The following POLR3K variants were observed in gnomAD, a reference collection of about 807,000 sequenced individuals.
The protein encoded by POLR3K is DNA-directed RNA polymerase III subunit RPC10.
In POLR3K, 11 loss-of-function variants were observed where a neutral mutation model predicts 13.5. The ratio of observed to expected loss-of-function variants is 0.81; its 90% CI spans 0.51 to 1.35. The LOEUF (loss-of-function observed/expected upper bound fraction) is 1.35, where lower values mean the gene tolerates loss of function less well. POLR3K is among the 40% of genes most tolerant of loss of function. The probability of loss-of-function intolerance (pLI) is 0.00; values close to 1 mark genes in which losing one functional copy is unlikely to be tolerated. For synonymous variants in POLR3K, 56 were observed against 51.5 expected, an observed-to-expected ratio of 1.09 and a Z score of -0.38; for missense variants, 144 against 145.3, an observed-to-expected ratio of 0.99 and a Z score of 0.05.
At position 53,592 on chromosome 16, in the gene POLR3K, C is replaced by A. The variant is rs375083401; in HGVS notation, c.-6G>T. The A allele has an allele frequency of 3.1e-6, 5 of 1,607,766 alleles. No individual in the cohort carries two copies. In the South Asian group the frequency reaches 5.5e-5, roughly 18 times the overall value. On this transcript the variant is annotated 5_prime_UTR_variant, in exon 1 of 3. Coordinates refer to ENST00000293860, the MANE Select transcript of POLR3K (RefSeq NM_016310.5). ...CCGGGGCAGAACAGCAGCATGGTCT[C>A]GAACTCCGCAGGCTCCAACTCCCGG...
intron 2 of POLR3K, among the ~76,000 whole-genome samples, chr16:47,794 T>C (rs1213318700): frequency 1.8e-5 from 2 of 113,354 alleles, no homozygotes; most frequent in Non-Finnish European, 3.3e-5. Context: ...GGCAGGAGAA[T>C]CGCTTGAACC....
rs537536318 is a variant in POLR3K at position 46,715 on chromosome 16, C to T, written c.*715G>A. On this transcript the variant is annotated 3_prime_UTR_variant, in exon 3 of 3. Coordinates refer to ENST00000293860, the MANE Select transcript of POLR3K (RefSeq NM_016310.5). Reference sequence around the variant, plus strand: ...CTCCAGCCTGGGCGACAGAACAAGACTCTGTCTTAAATAAATAAATAAATA... The same window carrying T: ...CTCCAGCCTGGGCGACAGAACAAGATTCTGTCTTAAATAAATAAATAAATA... The T allele has an allele frequency of 2.1e-5, 3 of 146,030 alleles. No individual in the cohort carries two copies. In the East Asian group the frequency reaches 5.9e-4, roughly 29 times the overall value. 9.0% of individuals were successfully genotyped at this position (146,030 alleles called of 1,614,324 possible).
intron 1 of POLR3K, among the ~76,000 whole-genome samples, chr16:52,799 TAAA>T (rs1335971952): frequency 2.7e-5 from 2 of 75,016 alleles, no homozygotes; most frequent in Admixed American, 3.0e-4. Context: ...AAAAAAACAA[TAAA>T]AAAAAATAAA....
intron 1 of POLR3K, chr16:53,112 T>C (rs1897357361): frequency 4.4e-6 from 1 of 228,884 alleles, no homozygotes; most frequent in African/African-American, 2.3e-5. Context: ...AGGGAGTCAG[T>C]GTCGGAACCT....
intron 2 of POLR3K, among the ~76,000 whole-genome samples, chr16:48,843 T>G (rs944022005): frequency 8.1e-6 from 1 of 122,960 alleles, no homozygotes; most frequent in African/African-American, 2.9e-5. Flanking sequence ...TTAAGGGCGA[T>G]TCTGGTGTGG....
intron 2 of POLR3K, among the ~76,000 whole-genome samples, chr16:48,806 A>G (rs980008671): frequency 4.0e-5 from 6 of 150,578 alleles, no homozygotes; most frequent in Non-Finnish European, 3.0e-5. Flanking sequence ...GTGAGACTCC[A>G]TCTCAAAAAA....
At chr16:50,458 G>A (rs1391868289) in intron 2 of POLR3K, among the ~76,000 whole-genome samples, 2 of 152,168 alleles carry the variant, frequency 1.3e-5, no homozygotes, top group Non-Finnish European at 2.9e-5. Flanking sequence ...TATATTAGAA[G>A]CGTGTATTAG....
chr16:47,679 C>T (rs866672014), intron 2 of POLR3K, 122 bp from the exon 3 acceptor site: 19 of 958,012 alleles, frequency 2.0e-5, no homozygotes, highest in Middle Eastern at 4.7e-4. Flanking sequence ...GTCAGGAGTT[C>T]GAGACCATCC....
rs775889798 is a variant in POLR3K at position 47,515 on chromosome 16, T to G, written c.242A>C (p.Gln81Pro). ...CTCATCTGCAGAGCGGGTCTGAAGC[T>G]GCATGAAGTAAGCACGAGGATGTTC... ...KCEHPRAYFM[Q>P]LQTRSADEPM... Residue 81 changes from glutamine to proline, a missense_variant, in exon 3 of 3, where the codon CAG becomes CCG. Coordinates refer to ENST00000293860, the MANE Select transcript of POLR3K (RefSeq NM_016310.5). 1.2e-6 allele frequency: 2 copies of G among 1,613,576 alleles called. No individual in the cohort carries two copies. The highest frequency in any genetic ancestry group is 8.5e-7 in the Non-Finnish European group (1 of 1,179,728).
rs764182967 is a variant in POLR3K, at chr16:47,179, T to A, written c.*251A>T. 7 of 297,004 alleles carry A rather than the reference T, an allele frequency of 2.4e-5. No homozygotes were observed. Among genetic ancestry groups the A allele is most frequent in the Admixed American group, 1.0e-4 (2 of 20,092 alleles). The allele number at this position is 297,004 out of a possible 1,614,324, so 18.4% of individuals were successfully genotyped here. A position where few individuals can be genotyped will look rare whatever the true frequency, so the allele number is the denominator to read the frequency against. On this transcript the variant is annotated 3_prime_UTR_variant, in exon 3 of 3. Transcript: ENST00000293860. ...AGTGGAAGATGAAAGAATAGGACTT[T>A]ACACAGAGCATATTTAGTTATGGGT... is the stretch of plus-strand genomic sequence containing the variant.
rs941849206 is a variant in POLR3K at position 51,641 on chromosome 16, G to C, written c.116C>G (p.Thr39Arg). The C allele has an allele frequency of 1.9e-6, 3 of 1,613,396 alleles. No individual in the cohort carries two copies. Among genetic ancestry groups the C allele is most frequent in the Non-Finnish European group, 2.5e-6 (3 of 1,179,540 alleles). The change falls in exon 2 of 3, where the codon ACA becomes AGA. Residue 39 changes from threonine (T) to arginine (R), a missense_variant. By Grantham distance (71) the Thr-to-Arg change is moderately conservative. Transcript: ENST00000293860. ...TTTCAGTTTTGGGTACTTCCGATTT[G>C]TTACCTAACAAAAACAACACTTCAG... is the stretch of plus-strand genomic sequence containing the variant. ...PYVHNITRKV[T>R]NRKYPKLKEV...
chr16:52,795 A>AAAAAAAAAC (rs1301989386), intron 1 of POLR3K, among the ~76,000 whole-genome samples: 8 of 26,784 alleles, frequency 3.0e-4, no homozygotes, highest in African/African-American at 9.0e-4. Context: ...AAAAAAAAAA[A>AAAAAAAAAC]CAATAAAAAA....
chr16:48,508 T>C (rs938765102), intron 2 of POLR3K, among the ~76,000 whole-genome samples: 1 of 152,214 alleles, frequency 6.6e-6, no homozygotes, highest in Non-Finnish European at 1.5e-5. Flanking sequence ...AAAGCCTGCA[T>C]TGTCAAGAAT....
At chr16:53,406 G>A in intron 1 of POLR3K, 70 bp downstream of exon 1, 2 of 1,525,296 alleles carry the variant, frequency 1.3e-6, no homozygotes, top group African/African-American at 1.4e-5. Flanking sequence ...GGCGGCGATG[G>A]AGCAGCAGTC....
In POLR3K at chr16:50,202, G is replaced by A. The variant is rs189428065; in HGVS notation, c.199+1356C>T. On this transcript the variant is annotated intron_variant, in intron 2 of 2. Transcript: ENST00000293860. ...TCGAACTCCTGACCTCAGGTGATCCGCCCGCCTCGGCCTCCCAAAGTGCTG... is the reference window on the plus strand; with the variant it reads ...TCGAACTCCTGACCTCAGGTGATCCACCCGCCTCGGCCTCCCAAAGTGCTG... Among the ~76,000 whole-genome samples the A allele has an allele frequency of 4.3e-3, 648 of 152,110 alleles. 7 individuals are homozygous for A. The highest frequency in any genetic ancestry group is 7.3e-3 in the Non-Finnish European group (498 of 67,986).
intron 2 of POLR3K, among the ~76,000 whole-genome samples, chr16:50,856 C>T (rs894038400): frequency 5.3e-5 from 8 of 152,164 alleles, no homozygotes; most frequent in East Asian, 1.9e-4. Context: ...CACAGTTCTG[C>T]GTGGCTGGGG....
At chr16:48,737 G>T (rs550366108) in intron 2 of POLR3K, among the ~76,000 whole-genome samples, 1 of 151,802 alleles carries the variant, frequency 6.6e-6, no homozygotes. Context: ...CGTGAACCCG[G>T]GAGGCGGAGC....
In POLR3K at chr16:51,597, C is replaced by CA; in HGVS notation, c.159dup (p.Gly54TrpfsTer10). 6.2e-7 allele frequency: 1 copy of CA among 1,614,164 alleles called. No homozygotes were observed. Among genetic ancestry groups the CA allele is most frequent in the South Asian group, 1.1e-5 (1 of 91,088 alleles). ...ACATTCTCCCAGGCAGCTGCTCCAC[C>CA]AAGCACATCATCCACTTCTTTCAGT... On this transcript the variant is annotated frameshift_variant, in exon 2 of 3. Coordinates refer to ENST00000293860, the MANE Select transcript of POLR3K (RefSeq NM_016310.5). LOFTEE classifies it high-confidence loss of function.
chr16:47,189 A>G lies in POLR3K; in HGVS notation c.*241T>C, dbSNP rs1205431092. The G allele has an allele frequency of 2.0e-5, 7 of 346,332 alleles. No individual in the cohort carries two copies. Among genetic ancestry groups the G allele is most frequent in the Admixed American group, 4.5e-5 (1 of 21,988 alleles). The allele number at this position is 346,332 out of a possible 1,614,324, so 21.5% of individuals were successfully genotyped here. ...GAAAGAATAGGACTTTACACAGAGC[A>G]TATTTAGTTATGGGTCTCTGTCTCC... On this transcript the variant is annotated 3_prime_UTR_variant, in exon 3 of 3. Transcript: ENST00000293860.
Sources: gnomAD v4.1 joint callset for allele counts (sites outside exome capture counted in the v4.1 genomes callset) on GRCh38, gnomAD v4.1.1 for gene constraint, MANE v1.5 for transcripts, NCBI Gene and HGNC (gene_info 2026-07-23, HGNC 2026-07-21) for gene names.